Variants in MTMR3 observed in about 807,000 individuals in gnomAD.
MTMR3 encodes myotubularin related protein 3.
Under a neutral mutation model 132.4 loss-of-function variants are expected in MTMR3, and 32 were observed. That is an observed-to-expected ratio of 0.24 (90% CI 0.18 to 0.32). MTMR3 has a LOEUF of 0.32. Among genes scored for constraint, MTMR3 ranks in the 10% least tolerant of loss-of-function variants. The probability of loss-of-function intolerance (pLI) is 1.00; values close to 1 mark genes in which losing one functional copy is unlikely to be tolerated. For missense variants in MTMR3, 1,216 were observed against 1,489.6 expected (o/e 0.82, Z 3.02); for synonymous variants, 556 against 550.3 (o/e 1.01, Z -0.14).
rs41281625 is a variant in MTMR3 at position 30,028,405 on chromosome 22, G to C, written c.*2604G>C. ...CTCCTTCCCGCCCTCTCTCCACACA[G>C]AGAGGAACCTCTGCTCCTTAGCTCT... On this transcript the variant is annotated 3_prime_UTR_variant, in exon 20 of 20. Transcript: ENST00000401950. The C allele has an allele frequency of 7.9e-5, 12 of 152,548 alleles. No individual in the cohort carries two copies. Among genetic ancestry groups the C allele is most frequent in the Admixed American group, 2.6e-4 (4 of 15,310 alleles). 9.4% of individuals were successfully genotyped at this position (152,548 alleles called of 1,614,324 possible).
rs115041927 is a variant in MTMR3, at chr22:30,025,882, G to A, written c.*81G>A. 1,912 of 1,472,712 alleles carry A rather than the reference G, an allele frequency of 1.3e-3. 15 individuals carry two copies. The African/African-American group carries it at 0.021, about 17-fold the overall frequency. 91.2% of individuals were successfully genotyped at this position (1,472,712 alleles called of 1,614,324 possible). On this transcript the variant is annotated 3_prime_UTR_variant, in exon 20 of 20. Coordinates refer to ENST00000401950, the MANE Select transcript of MTMR3 (RefSeq NM_021090.4). ...TCAACCTGGGCAGACCGAGAGGCCC[G>A]TGCACTTTGGAATGGGAGCGTGGAA...
At chr22:29,969,655 C>T (rs1935105424) in intron 2 of MTMR3, among the ~76,000 whole-genome samples, 2 of 151,952 alleles carry the variant, frequency 1.3e-5, no homozygotes, top group African/African-American at 2.4e-5. Flanking sequence ...CTTAGCCTCC[C>T]GAGTAGCTGG....
chr22:29,977,810 C>T (rs937820693), intron 3 of MTMR3, among the ~76,000 whole-genome samples: 2 of 151,998 alleles, frequency 1.3e-5, no homozygotes, highest in Non-Finnish European at 2.9e-5. Context: ...AATTTAAGAT[C>T]GTAACTTAAA....
At chr22:29,889,511 T>C (rs2064750509) in intron 1 of MTMR3, among the ~76,000 whole-genome samples, 1 of 151,820 alleles carries the variant, frequency 6.6e-6, no homozygotes, top group African/African-American at 2.4e-5. Flanking sequence ...GGTTTCGAAC[T>C]CCTGACCTCA....
intron 1 of MTMR3, among the ~76,000 whole-genome samples, chr22:29,903,677 G>A (rs2065043034): frequency 6.6e-6 from 1 of 152,110 alleles, no homozygotes; most frequent in Non-Finnish European, 1.5e-5. Context: ...ACAGGTGTGA[G>A]CCACCTTGCC....
chr22:29,896,877 A>ACACACACG (rs2064909242), intron 1 of MTMR3, among the ~76,000 whole-genome samples: 2 of 150,132 alleles, frequency 1.3e-5, no homozygotes, highest in Non-Finnish European at 3.0e-5. Flanking sequence ...TCTCACACAC[A>ACACACACG]CACACACACA....
In MTMR3 at chr22:30,019,533, T is replaced by C. The variant is rs771037043; in HGVS notation, c.1874T>C (p.Val625Ala). The change falls in exon 17 of 20, where the codon GTG (valine) becomes GCG (alanine). Residue 625 changes from valine to alanine, a missense_variant. Physicochemically the swap from Val to Ala is moderately conservative, Grantham distance 64 (BLOSUM62 0). Coordinates refer to ENST00000401950, the MANE Select transcript of MTMR3 (RefSeq NM_021090.4). ...DNLTTACDNT[V>A]PLASRRCSDP... ...CTGACCACAGCCTGTGACAACACAGTGCCTCTGGCCAGCCGGCGCTGCAGC... is the reference window on the plus strand; with the variant it reads ...CTGACCACAGCCTGTGACAACACAGCGCCTCTGGCCAGCCGGCGCTGCAGC... 6.2e-7 allele frequency: 1 copy of C among 1,611,836 alleles called. No individual in the cohort carries two copies. The highest frequency in any genetic ancestry group is 1.1e-5 in the South Asian group (1 of 91,086).
Position 30,020,722 on chromosome 22 carries a change from A to G in MTMR3, c.3063A>G (p.Ser1021=), listed in dbSNP as rs778597348. The G allele has an allele frequency of 3.1e-6, 5 of 1,614,238 alleles. No individual in the cohort carries two copies. In the South Asian group the frequency reaches 5.5e-5, roughly 18 times the overall value. ...SRSHLDDDGM[S]VYTDTIQQRL... ...GCCACCTGGACGATGATGGCATGTC[A>G]GTGTACACAGACACGATCCAACAGC... is the stretch of plus-strand genomic sequence containing the variant. The change falls in exon 17 of 20, where the codon TCA becomes TCG. Residue 1021 remains serine, a synonymous_variant. Transcript: ENST00000401950.
intron 1 of MTMR3, among the ~76,000 whole-genome samples, chr22:29,895,091 C>G (rs953961617): frequency 1.3e-5 from 2 of 151,906 alleles, no homozygotes; most frequent in African/African-American, 4.8e-5. Context: ...ATCTGTAATC[C>G]CAGCTACTCA....
At chr22:30,002,756 A>G (rs2067201919) in intron 8 of MTMR3, 124 bp from the exon 9 acceptor site, 1 of 690,184 alleles carries the variant, frequency 1.4e-6, no homozygotes, top group Non-Finnish European at 2.5e-6. Flanking sequence ...ATTGCCTTTA[A>G]CTGGTTCTGT....
intron 17 of MTMR3, chr22:30,021,809 A>G: frequency 1.9e-6 from 1 of 532,174 alleles, no homozygotes. Context: ...TTTCTACTCC[A>G]GAGTCACTGC....
chr22:29,950,073 C>T (rs1250077337), intron 1 of MTMR3, among the ~76,000 whole-genome samples: 2 of 152,116 alleles, frequency 1.3e-5, no homozygotes, highest in Admixed American at 6.5e-5. Flanking sequence ...GTTAATTTCC[C>T]AAAGGTAGAC....
At chr22:30,008,405 T>C (rs2067322191) in intron 11 of MTMR3, 1 of 180,304 alleles carries the variant, frequency 5.5e-6, no homozygotes, top group Admixed American at 5.5e-5. Context: ...ACTGGCCTTG[T>C]AGCAAACTCC....
At chr22:29,928,318 C>A (rs2145784228) in intron 1 of MTMR3, among the ~76,000 whole-genome samples, 1 of 151,954 alleles carries the variant, frequency 6.6e-6, no homozygotes, top group Admixed American at 6.6e-5. Context: ...GTTGCAGGCG[C>A]CTGCCACCAC....
intron 1 of MTMR3, among the ~76,000 whole-genome samples, chr22:29,937,675 C>A (rs1460670916): frequency 6.6e-6 from 1 of 152,152 alleles, no homozygotes; most frequent in Non-Finnish European, 1.5e-5. Flanking sequence ...AGTGTAAACA[C>A]ATCAAAATGC....
At chr22:29,970,945 T>TTTTTTTTTTC in intron 2 of MTMR3, 31 bp from the exon 3 acceptor site, 1 of 756,724 alleles carries the variant, frequency 1.3e-6, no homozygotes, top group Non-Finnish European at 2.0e-6. Flanking sequence ...CTTTTTTTTT[T>TTTTTTTTTTC]CTTCTTCCCC....
chr22:29,947,436 A>G (rs928517478), intron 1 of MTMR3, among the ~76,000 whole-genome samples: 2 of 151,598 alleles, frequency 1.3e-5, no homozygotes, highest in Non-Finnish European at 2.9e-5. Context: ...ATAGGTTTCT[A>G]TTAGGCTGTA....
In MTMR3 at chr22:30,012,548, T is replaced by C; in HGVS notation, c.1302T>C (p.Tyr434=). The change falls in exon 13 of 20, where the codon TAT becomes TAC. Residue 434 remains tyrosine, a synonymous_variant. Coordinates refer to ENST00000401950, the MANE Select transcript of MTMR3 (RefSeq NM_021090.4). ...TGGCTAAGCTCTTGCTGGACCCTTA[T>C]TACCGAACCATAGAGGTGAGCCCAT... ...VALAKLLLDP[Y]YRTIEGFQVL... 6.2e-7 allele frequency: 1 copy of C among 1,611,890 alleles called. No homozygotes were observed. The highest frequency in any genetic ancestry group is 8.5e-7 in the Non-Finnish European group (1 of 1,179,376).
intron 14 of MTMR3, chr22:30,013,894 C>T (rs1210997337): frequency 4.9e-6 from 1 of 203,240 alleles, no homozygotes; most frequent in African/African-American, 2.4e-5. Context: ...TGCACCCTCT[C>T]CTTTGATGGA....
Sources: gnomAD v4.1 joint callset for allele counts (sites outside exome capture counted in the v4.1 genomes callset) on GRCh38, gnomAD v4.1.1 for gene constraint, MANE v1.5 for transcripts, NCBI Gene and HGNC (gene_info 2026-07-23, HGNC 2026-07-21) for gene names.